Variants in COMMD10 observed in about 807,000 individuals in gnomAD.
The protein encoded by COMMD10 is COMM domain-containing protein 10.
A neutral mutation model predicts 28.9 loss-of-function variants in COMMD10; 33 were observed. That is an observed-to-expected ratio of 1.14 (90% CI 0.87 to 1.53). COMMD10 has a LOEUF of 1.53. Ranked by LOEUF, COMMD10 falls within the 40% of genes most tolerant of loss-of-function variation. The probability of loss-of-function intolerance (pLI) is 0.00; values close to 1 mark genes in which losing one functional copy is unlikely to be tolerated. For missense variants in COMMD10, 310 were observed against 233.4 expected (o/e 1.33, Z -2.14); for synonymous variants, 110 against 81.7 (o/e 1.35, Z -1.87).
At chr5:116,187,213 G>A (rs142457916) in intron 5 of COMMD10, among the ~76,000 whole-genome samples, 2 of 152,208 alleles carry the variant, frequency 1.3e-5, no homozygotes, top group African/African-American at 4.8e-5. Context: ...TCCTAATGCT[G>A]TAGAATAAAT....
At chr5:116,166,891 A>G (rs1311059159) in intron 5 of COMMD10, among the ~76,000 whole-genome samples, 1 of 152,174 alleles carries the variant, frequency 6.6e-6, no homozygotes, top group African/African-American at 2.4e-5. Context: ...AGATGAGGAA[A>G]AAAACCAATG....
At chr5:116,107,501 T>C (rs1002666100) in intron 4 of COMMD10, among the ~76,000 whole-genome samples, 10 of 152,236 alleles carry the variant, frequency 6.6e-5, no homozygotes, top group African/African-American at 2.4e-4. Flanking sequence ...CTTCATGAAG[T>C]TCTCGTGCTG....
At chr5:116,254,041 A>C (rs965667408) in intron 5 of COMMD10, among the ~76,000 whole-genome samples, 1 of 152,084 alleles carries the variant, frequency 6.6e-6, no homozygotes, top group East Asian at 1.9e-4. Context: ...TATATGTGTC[A>C]AGGACTTTAT....
chr5:116,161,615 G>A (rs764760282), intron 5 of COMMD10, among the ~76,000 whole-genome samples: 7 of 151,976 alleles, frequency 4.6e-5, no homozygotes, highest in Admixed American at 2.6e-4. Context: ...TAGCAATAGA[G>A]TAAGTTAGAG....
intron 5 of COMMD10, among the ~76,000 whole-genome samples, chr5:116,155,687 CAT>C (rs1321612272): frequency 6.6e-6 from 1 of 151,924 alleles, no homozygotes; most frequent in Non-Finnish European, 1.5e-5. Context: ...TTTTCCCCTC[CAT>C]ATGTGTTGAT....
intron 5 of COMMD10, among the ~76,000 whole-genome samples, chr5:116,164,167 G>T (rs150964352): frequency 9.5e-4 from 144 of 152,024 alleles, no homozygotes; most frequent in African/African-American, 2.6e-3. Flanking sequence ...GAATACAAAA[G>T]AAAATTAGCT....
intron 5 of COMMD10, among the ~76,000 whole-genome samples, chr5:116,269,139 A>G (rs1182328458): frequency 6.6e-6 from 1 of 151,828 alleles, no homozygotes; most frequent in Non-Finnish European, 1.5e-5. Context: ...CAGAAAAAAA[A>G]TTGGTTTTTA....
Position 116,106,234 on chromosome 5 carries a change from C to T in COMMD10, c.399+13534C>T, listed in dbSNP as rs1216841685. Among the ~76,000 whole-genome samples, 9 of 151,908 alleles carry T rather than the reference C, an allele frequency of 5.9e-5. No homozygotes were observed. In the East Asian group the frequency reaches 1.4e-3, roughly 23 times the overall value. Reference sequence around the variant, plus strand: ...AACAACTTTATTTTTGCTTTTATTTCGTTTTCTACCCAGTAGTCATTCAGC... The same window carrying T: ...AACAACTTTATTTTTGCTTTTATTTTGTTTTCTACCCAGTAGTCATTCAGC... On this transcript the variant is annotated intron_variant, in intron 4 of 6. Transcript: ENST00000274458.
At chr5:116,155,202 C>G (rs1227177579) in intron 5 of COMMD10, among the ~76,000 whole-genome samples, 1 of 152,050 alleles carries the variant, frequency 6.6e-6, no homozygotes, top group Non-Finnish European at 1.5e-5. Context: ...TAATTGTCTG[C>G]ATTATTTAGT....
At chr5:116,098,380 A>G (rs1471630256) in intron 4 of COMMD10, among the ~76,000 whole-genome samples, 2 of 152,206 alleles carry the variant, frequency 1.3e-5, no homozygotes, top group Non-Finnish European at 2.9e-5. Context: ...TGCTTGCAGC[A>G]GAACACATGT....
chr5:116,190,467 G>C (rs1409074880), intron 5 of COMMD10, among the ~76,000 whole-genome samples: 1 of 152,104 alleles, frequency 6.6e-6, no homozygotes, highest in East Asian at 1.9e-4. Flanking sequence ...ATATTTTATA[G>C]TTTGATAAAT....
At chr5:116,229,965 C>A (rs116580285) in intron 5 of COMMD10, among the ~76,000 whole-genome samples, 1,998 of 151,606 alleles carry the variant, frequency 0.013, 53 homozygotes, top group African/African-American at 0.046. Context: ...CCTGAGCCCC[C>A]CCAAAAAAAA....
intron 5 of COMMD10, among the ~76,000 whole-genome samples, chr5:116,163,927 GTTTCTACCCTT>G (rs1257887355): frequency 6.6e-6 from 1 of 152,118 alleles, no homozygotes; most frequent in African/African-American, 2.4e-5. Context: ...AATAAACGTA[GTTTCTACCCTT>G]TTTCTACCCT....
intron 5 of COMMD10, among the ~76,000 whole-genome samples, chr5:116,257,529 G>A (rs542245177): frequency 6.6e-6 from 1 of 151,758 alleles, no homozygotes; most frequent in East Asian, 1.9e-4. Context: ...GCTTTTGACA[G>A]TTGGTTTGCT....
rs763032209 is a variant in COMMD10 at position 116,085,113 on chromosome 5, C to G, written c.41+20C>G. Reference sequence around the variant, plus strand: ...CCCCAGGTAGCTGATCCGTTAAGCTCTTGCGGTAGCCGCGCCCAGGAAGGC... The same window carrying G: ...CCCCAGGTAGCTGATCCGTTAAGCTGTTGCGGTAGCCGCGCCCAGGAAGGC... On this transcript the variant is annotated intron_variant, in intron 1 of 6. Coordinates refer to ENST00000274458, the MANE Select transcript of COMMD10 (RefSeq NM_016144.4). The G allele has an allele frequency of 5.0e-6, 8 of 1,601,862 alleles. No homozygotes were observed. Among genetic ancestry groups the G allele is most frequent in the Non-Finnish European group, 6.8e-6 (8 of 1,175,126 alleles).
intron 5 of COMMD10, among the ~76,000 whole-genome samples, chr5:116,248,206 A>C (rs776839893): frequency 6.6e-6 from 1 of 151,850 alleles, no homozygotes; most frequent in Non-Finnish European, 1.5e-5. Flanking sequence ...AATATTTATT[A>C]AACAGTCATC....
intron 5 of COMMD10, among the ~76,000 whole-genome samples, chr5:116,258,261 AT>A (rs1042841498): frequency 6.6e-6 from 1 of 151,718 alleles, no homozygotes; most frequent in African/African-American, 2.4e-5. Context: ...TAGTATATCT[AT>A]TCCTCCCCTA....
intron 4 of COMMD10, among the ~76,000 whole-genome samples, chr5:116,122,288 T>C (rs530624566): frequency 6.6e-6 from 1 of 151,894 alleles, no homozygotes; most frequent in African/African-American, 2.4e-5. Flanking sequence ...GATCAGATGG[T>C]TGTAGATGTG....
intron 5 of COMMD10, among the ~76,000 whole-genome samples, chr5:116,289,018 A>C (rs1728243816): frequency 6.6e-6 from 1 of 150,562 alleles, no homozygotes; most frequent in African/African-American, 2.5e-5. Context: ...AGTAGCTGGG[A>C]TTAAAGGTGC....
Sources: gnomAD v4.1 joint callset for allele counts (sites outside exome capture counted in the v4.1 genomes callset) on GRCh38, gnomAD v4.1.1 for gene constraint, MANE v1.5 for transcripts, NCBI Gene and HGNC (gene_info 2026-07-23, HGNC 2026-07-21) for gene names.